Variants in VTI1A observed in about 807,000 individuals in gnomAD.
The protein encoded by VTI1A is vesicle transport through interaction with t-SNAREs 1A, also known as vesicle transport through interaction with t-SNAREs homolog 1A.
Under a neutral mutation model 34.9 loss-of-function variants are expected in VTI1A, and 22 were observed. That is an observed-to-expected ratio of 0.63 (90% CI 0.45 to 0.90). The LOEUF (loss-of-function observed/expected upper bound fraction) is 0.90, where lower values mean the gene tolerates loss of function less well. Ranked by LOEUF, VTI1A falls within the 40% of genes least tolerant of loss-of-function variation. The probability of loss-of-function intolerance (pLI) is 0.00; values close to 1 mark genes in which losing one functional copy is unlikely to be tolerated. For synonymous variants in VTI1A, 87 were observed against 97.3 expected (o/e 0.89, Z 0.62); for missense variants, 268 against 275.6 (o/e 0.97, Z 0.20).
chr10:112,830,849 A>ATTTTTTTTTTTTTTT, the VTI1A span, among the ~76,000 whole-genome samples: 8 of 33,494 alleles, frequency 2.4e-4, no homozygotes, highest in African/African-American at 7.2e-4. Flanking sequence ...ATATATATAT[A>ATTTTTTTTTTTTTTT]TTTTTTTTTT....
chr10:112,486,163 C>T (rs1369589260), intron 3 of VTI1A, among the ~76,000 whole-genome samples: 1 of 152,136 alleles, frequency 6.6e-6, no homozygotes, highest in Non-Finnish European at 1.5e-5. Flanking sequence ...TGCCATGTAG[C>T]ACTGCAGAAA....
intron 7 of VTI1A, among the ~76,000 whole-genome samples, chr10:112,802,157 A>T (rs1296802896): frequency 1.3e-5 from 2 of 152,174 alleles, no homozygotes; most frequent in Admixed American, 1.3e-4. Flanking sequence ...GCTGAGGCAG[A>T]TCACTTGAGC....
chr10:112,545,051 A>C (rs1851025669), intron 5 of VTI1A, among the ~76,000 whole-genome samples: 1 of 152,156 alleles, frequency 6.6e-6, no homozygotes, highest in Non-Finnish European at 1.5e-5. Context: ...AAATGAGAAG[A>C]CATGTTAGGA....
intron 3 of VTI1A, among the ~76,000 whole-genome samples, chr10:112,487,082 T>G (rs1203366400): frequency 6.6e-6 from 1 of 152,196 alleles, no homozygotes; most frequent in Non-Finnish European, 1.5e-5. Flanking sequence ...TTATAAATAC[T>G]CTGCATCCGG....
intron 5 of VTI1A, among the ~76,000 whole-genome samples, chr10:112,629,299 A>T (rs1846041854): frequency 1.2e-5 from 1 of 82,120 alleles, no homozygotes. Flanking sequence ...ACTCTTCCTT[A>T]TGACCAGGCC....
intron 5 of VTI1A, among the ~76,000 whole-genome samples, chr10:112,550,997 A>T (rs1044739695): frequency 2.6e-5 from 4 of 152,144 alleles, no homozygotes; most frequent in African/African-American, 9.7e-5. Context: ...TAATCCCAGC[A>T]CTTTGGGAGG....
At chr10:112,731,032 A>G (rs1490443917) in intron 7 of VTI1A, among the ~76,000 whole-genome samples, 1 of 152,154 alleles carries the variant, frequency 6.6e-6, no homozygotes, top group African/African-American at 2.4e-5. Flanking sequence ...AAGGAACTTC[A>G]GTTTTTCACT....
chr10:112,577,855 G>A (rs1332502974), intron 5 of VTI1A, among the ~76,000 whole-genome samples: 1 of 152,222 alleles, frequency 6.6e-6, no homozygotes, highest in East Asian at 1.9e-4. Context: ...AAGAGGGCAT[G>A]ATGCAGGGAA....
chr10:112,554,215 G>A (rs970790344), intron 5 of VTI1A, among the ~76,000 whole-genome samples: 2 of 152,112 alleles, frequency 1.3e-5, no homozygotes, highest in Non-Finnish European at 2.9e-5. Context: ...GACAATAGTT[G>A]TAAGTCTGCA....
rs1197105125 is a variant in VTI1A, at chr10:112,450,693, AT to A, written c.94+3232del. On this transcript the variant is annotated intron_variant, in intron 1 of 7. Coordinates refer to ENST00000393077, the MANE Select transcript of VTI1A (RefSeq NM_145206.4). ...GAAAGAAATCTGATTACTCTGTGATATTTTTTAAACAATAAAGAGATTTTGC... is the reference window on the plus strand; with the variant it reads ...GAAAGAAATCTGATTACTCTGTGATATTTTTAAACAATAAAGAGATTTTGC... 8 of 152,308 alleles carry A rather than the reference AT, an allele frequency of 5.3e-5. No individual in the cohort carries two copies. In the East Asian group the frequency reaches 1.4e-3, roughly 26 times the overall value. The allele number at this position is 152,308 out of a possible 1,614,324, so 9.4% of individuals were successfully genotyped here.
intron 5 of VTI1A, among the ~76,000 whole-genome samples, chr10:112,610,015 GA>G (rs113760939): frequency 2.2e-4 from 32 of 147,958 alleles, no homozygotes; most frequent in Admixed American, 1.2e-3. Flanking sequence ...AATATTTGCA[GA>G]AAAAAAAATG....
At chr10:112,489,594 A>G (rs1848753935) in intron 3 of VTI1A, among the ~76,000 whole-genome samples, 1 of 152,174 alleles carries the variant, frequency 6.6e-6, no homozygotes, top group Non-Finnish European at 1.5e-5. Context: ...AATTAGAAGT[A>G]ATTTGTTAGG....
intron 7 of VTI1A, among the ~76,000 whole-genome samples, chr10:112,709,370 C>T (rs1225075274): frequency 1.3e-5 from 2 of 151,980 alleles, no homozygotes; most frequent in African/African-American, 4.8e-5. Flanking sequence ...GACAGAACTG[C>T]CCCCCTGGTG....
chr10:112,589,627 C>T (rs1242353415), intron 5 of VTI1A, among the ~76,000 whole-genome samples: 5 of 152,142 alleles, frequency 3.3e-5, no homozygotes, highest in Non-Finnish European at 7.3e-5. Flanking sequence ...AATTGTTGAG[C>T]ATGCACTGTG....
At chr10:112,625,335 T>C (rs2134590184) in intron 5 of VTI1A, among the ~76,000 whole-genome samples, 1 of 151,968 alleles carries the variant, frequency 6.6e-6, no homozygotes, top group Non-Finnish European at 1.5e-5. Flanking sequence ...CTAAGTGAGG[T>C]AACTCAGGAA....
chr10:112,698,350 C>T (rs1590084084), intron 7 of VTI1A, among the ~76,000 whole-genome samples: 1 of 152,182 alleles, frequency 6.6e-6, no homozygotes, highest in African/African-American at 2.4e-5. Context: ...GTTTGCCCCT[C>T]ATTTCTCACT....
intron 3 of VTI1A, among the ~76,000 whole-genome samples, chr10:112,468,845 C>T (rs1847988377): frequency 2.0e-5 from 3 of 152,196 alleles, no homozygotes; most frequent in Admixed American, 1.3e-4. Context: ...GTACTGGTTA[C>T]TTCAGAGTTA....
rs1203375168 is a variant in VTI1A at position 112,683,817 on chromosome 10, C to A, written c.560+14819C>A. On this transcript the variant is annotated intron_variant, in intron 7 of 7. Transcript: ENST00000393077. Reference sequence around the variant, plus strand: ...CAGCACTTTGGGAGGCCGAGGTGGGCAGATCACCTGAGGTCAGGAGTTCGA... The same window carrying A: ...CAGCACTTTGGGAGGCCGAGGTGGGAAGATCACCTGAGGTCAGGAGTTCGA... Among the ~76,000 whole-genome samples the A allele has an allele frequency of 3.3e-5, 5 of 152,246 alleles. No homozygotes were observed. In the East Asian group the frequency reaches 9.7e-4, roughly 29 times the overall value.
At chr10:112,554,703 G>A (rs1429339311) in intron 5 of VTI1A, among the ~76,000 whole-genome samples, 8 of 151,924 alleles carry the variant, frequency 5.3e-5, no homozygotes, top group Non-Finnish European at 2.9e-5. Context: ...CAGTAACTAT[G>A]AGGCCTCATG....
Sources: gnomAD v4.1 joint callset for allele counts (sites outside exome capture counted in the v4.1 genomes callset) on GRCh38, gnomAD v4.1.1 for gene constraint, MANE v1.5 for transcripts, NCBI Gene and HGNC (gene_info 2026-07-23, HGNC 2026-07-21) for gene names.